The following ZDBF2 variants were observed in gnomAD, a reference collection of about 807,000 sequenced individuals.
ZDBF2 encodes zinc finger DBF-type containing 2, also known as DBF4-type zinc finger-containing protein 2.
ZDBF2 carries 6 observed loss-of-function variants against 9.4 expected under a neutral mutation model. The ratio of observed to expected loss-of-function variants is 0.64; its 90% CI spans 0.35 to 1.27. ZDBF2 has a LOEUF of 1.27. Ranked by LOEUF, ZDBF2 falls within the 50% of genes most tolerant of loss-of-function variation. ZDBF2 has a pLI of 0.03. For synonymous variants in ZDBF2, 905 were observed against 946.3 expected, an observed-to-expected ratio of 0.96 and a Z score of 0.80; for missense variants, 2,697 against 2,766.8, an observed-to-expected ratio of 0.97 and a Z score of 0.57.
chr2:206,304,014 G>A (rs1692638044), intron 4 of ZDBF2, among the ~76,000 whole-genome samples: 1 of 152,116 alleles, frequency 6.6e-6, no homozygotes, highest in East Asian at 1.9e-4. Context: ...AAAAGTAGCA[G>A]TAACTATTCT....
At chr2:206,276,714 A>C (rs1691024513) in intron 1 of ZDBF2, among the ~76,000 whole-genome samples, 2 of 152,248 alleles carry the variant, frequency 1.3e-5, no homozygotes, top group Admixed American at 1.3e-4. Flanking sequence ...GATTTGTTAA[A>C]TGGGAATTAA....
Position 206,310,903 on chromosome 2 carries a change from TTC to T in ZDBF2, c.6379_6380del (p.Leu2127ValfsTer12), listed in dbSNP as rs1411478937. 7 of 1,613,934 alleles carry T rather than the reference TTC, an allele frequency of 4.3e-6. No individual in the cohort carries two copies. Among genetic ancestry groups the T allele is most frequent in the South Asian group, 1.1e-5 (1 of 91,056 alleles). ...ATTCACATCAGGGAACCAGTGACTC[TTC>T]TCTGTTTCTGGAAGAATCAAAGGTT... ...FNSHQGTSDS[S>X]LFLEESKVLH... is the part of the protein sequence containing the mutation. On this transcript the variant is annotated frameshift_variant, in exon 5 of 5. Coordinates refer to ENST00000374423, the MANE Select transcript of ZDBF2 (RefSeq NM_020923.3). LOFTEE classifies it low-confidence loss of function (END_TRUNC).
chr2:206,299,660 C>T (rs1266063051), intron 4 of ZDBF2, among the ~76,000 whole-genome samples: 4 of 151,782 alleles, frequency 2.6e-5, no homozygotes, highest in African/African-American at 9.7e-5. Flanking sequence ...AACCACAGTA[C>T]AATGATAAAA....
At chr2:206,278,111 A>G (rs1691121733) in intron 1 of ZDBF2, among the ~76,000 whole-genome samples, 1 of 152,162 alleles carries the variant, frequency 6.6e-6, no homozygotes, top group Admixed American at 6.5e-5. Flanking sequence ...TTGTAAAAAT[A>G]TGTTTAGAAC....
At position 206,311,253 on chromosome 2, in the gene ZDBF2, G is replaced by A. The variant is rs1559163941; in HGVS notation, c.6725G>A (p.Ser2242Asn). The change falls in exon 5 of 5, where the codon AGC becomes AAC. Residue 2242 changes from serine to asparagine, a missense_variant. By Grantham distance (46) the Ser-to-Asn change is conservative (BLOSUM62 1). Around this residue, in one of 3 missense-constraint regions of ZDBF2, gnomAD observed 1,783 missense variants for 1,776.5 expected, o/e 1.00. Transcript: ENST00000374423. ...TTACGTCATAGATATCAGTCCAGGAGCGCTTTTCTTGGAAGGTATCTGAAG... is the reference window on the plus strand; with the variant it reads ...TTACGTCATAGATATCAGTCCAGGAACGCTTTTCTTGGAAGGTATCTGAAG... Reference protein sequence around the residue: ...VFLRHRYQSRSAFLGRYLKKK... With the variant: ...VFLRHRYQSRNAFLGRYLKKK... 5 of 1,611,498 alleles carry A rather than the reference G, an allele frequency of 3.1e-6. No individual in the cohort carries two copies. The highest frequency in any genetic ancestry group is 4.2e-6 in the Non-Finnish European group (5 of 1,178,562).
In ZDBF2 at chr2:206,309,689, C is replaced by G; in HGVS notation, c.5161C>G (p.His1721Asp). 1 of 1,613,800 alleles carries G rather than the reference C, an allele frequency of 6.2e-7. No homozygotes were observed. Among genetic ancestry groups the G allele is most frequent in the Non-Finnish European group, 8.5e-7 (1 of 1,179,860 alleles). The change falls in exon 5 of 5, where the codon CAT becomes GAT. Residue 1721 changes from histidine to aspartate, a missense_variant. Physicochemically the swap from His to Asp is moderately conservative, Grantham distance 81. Around this residue, in one of 3 missense-constraint regions of ZDBF2, gnomAD observed 1,783 missense variants for 1,776.5 expected, o/e 1.00. Transcript: ENST00000374423. ...DFGASSKSALHRRADKKKRSK... is the reference protein window; with the variant it reads ...DFGASSKSALDRRADKKKRSK... Reference sequence around the variant, plus strand: ...TGGTGCCTCTTCCAAGTCAGCGCTCCATCGAAGGGCTGATAAAAAAAAACG... The same window carrying G: ...TGGTGCCTCTTCCAAGTCAGCGCTCGATCGAAGGGCTGATAAAAAAAAACG...
rs1693265951 is a variant in ZDBF2 at position 206,313,028 on chromosome 2, T to C, written c.*1435T>C. 6.6e-6 allele frequency: 1 copy of C among 152,218 alleles called. No individual in the cohort carries two copies. The highest frequency in any genetic ancestry group is 2.4e-5 in the African/African-American group (1 of 41,466). 9.4% of individuals were successfully genotyped at this position (152,218 alleles called of 1,614,324 possible). A position where few individuals can be genotyped will look rare whatever the true frequency, so the allele number is the denominator to read the frequency against. Reference sequence around the variant, plus strand: ...TTGGTACAGATGCATTCAGTTGTCATTCATTCGTGTTAAGCCAAGATCCTG... The same window carrying C: ...TTGGTACAGATGCATTCAGTTGTCACTCATTCGTGTTAAGCCAAGATCCTG... On this transcript the variant is annotated 3_prime_UTR_variant, in exon 5 of 5. Coordinates refer to ENST00000374423, the MANE Select transcript of ZDBF2 (RefSeq NM_020923.3).
intron 4 of ZDBF2, among the ~76,000 whole-genome samples, chr2:206,300,802 C>G (rs1269501490): frequency 6.6e-6 from 1 of 152,130 alleles, no homozygotes; most frequent in Non-Finnish European, 1.5e-5. Context: ...TTCACTTATT[C>G]AAGTATTTAA....
chr2:206,313,119 T>C lies in ZDBF2; in HGVS notation c.*1526T>C, dbSNP rs1693269860. ...ACTATATTGTATGACTGCCATATTTTATTGAAACTAAGGTCAATGTTGAAC... is the reference window on the plus strand; with the variant it reads ...ACTATATTGTATGACTGCCATATTTCATTGAAACTAAGGTCAATGTTGAAC... On this transcript the variant is annotated 3_prime_UTR_variant, in exon 5 of 5. Coordinates refer to ENST00000374423, the MANE Select transcript of ZDBF2 (RefSeq NM_020923.3). 1 of 152,210 alleles carries C rather than the reference T, an allele frequency of 6.6e-6. No homozygotes were observed. Among genetic ancestry groups the C allele is most frequent in the African/African-American group, 2.4e-5 (1 of 41,458 alleles). 9.4% of individuals were successfully genotyped at this position (152,210 alleles called of 1,614,324 possible). A position where few individuals can be genotyped will look rare whatever the true frequency, so the allele number is the denominator to read the frequency against.
chr2:206,297,051 G>C (rs1269645221), intron 3 of ZDBF2, among the ~76,000 whole-genome samples, 195 bp from the exon 4 acceptor site: 1 of 152,102 alleles, frequency 6.6e-6, no homozygotes, highest in African/African-American at 2.4e-5. Context: ...TCCTTAGGCT[G>C]TACTTAGGGA....
intron 3 of ZDBF2, chr2:206,292,178 A>G (rs1302832012): frequency 7.5e-6 from 3 of 398,006 alleles, no homozygotes; most frequent in African/African-American, 2.1e-5. Flanking sequence ...ACAATGGCAT[A>G]TAAATTGGGA....
In ZDBF2 at chr2:206,309,124, C is replaced by A; in HGVS notation, c.4596C>A (p.Pro1532=). The part of the protein sequence containing the change: ...LPKVVLVDLV[P]GDSDYEVISD... Reference sequence around the variant, plus strand: ...AGGTGGTACTTGTGGATCTGGTGCCCGGTGATAGTGATTATGAAGTAATTT... The same window carrying A: ...AGGTGGTACTTGTGGATCTGGTGCCAGGTGATAGTGATTATGAAGTAATTT... The change falls in exon 5 of 5, where the codon CCC becomes CCA. Residue 1532 remains proline (P), a synonymous_variant. Transcript: ENST00000374423. 2 of 1,613,574 alleles carry A rather than the reference C, an allele frequency of 1.2e-6. No individual in the cohort carries two copies. Among genetic ancestry groups the A allele is most frequent in the Non-Finnish European group, 1.7e-6 (2 of 1,179,766 alleles).
In ZDBF2 at chr2:206,309,262, T is replaced by C; in HGVS notation, c.4734T>C (p.Phe1578=). The C allele has an allele frequency of 6.2e-7, 1 of 1,610,632 alleles. No homozygotes were observed. ...TAGAAGATAAGAGCTGTGACTTTTT[T>C]GGTTCTGAAGTCAGATGTAATTGTA... ...IDIEDKSCDF[F]GSEVRCNCKA... is the part of the protein sequence containing the mutation. The change falls in exon 5 of 5, where the codon TTT becomes TTC. Residue 1578 remains phenylalanine (F), a synonymous_variant. Transcript: ENST00000374423.
At chr2:206,298,513 G>GT (rs569316803) in intron 4 of ZDBF2, among the ~76,000 whole-genome samples, 2 of 151,912 alleles carry the variant, frequency 1.3e-5, no homozygotes, top group East Asian at 1.9e-4. Context: ...AAATTTCCAG[G>GT]TTTTTTTTGT....
At chr2:206,286,068 A>G (rs1397125915) in intron 3 of ZDBF2, among the ~76,000 whole-genome samples, 1 of 152,220 alleles carries the variant, frequency 6.6e-6, no homozygotes, top group African/African-American at 2.4e-5. Flanking sequence ...CAGAAAAGAT[A>G]CTTGATATAA....
chr2:206,276,860 T>G (rs1344686867), intron 1 of ZDBF2, among the ~76,000 whole-genome samples: 1 of 152,232 alleles, frequency 6.6e-6, no homozygotes, highest in Non-Finnish European at 1.5e-5. Flanking sequence ...TAGAGGTGTC[T>G]AGGATAATGC....
chr2:206,309,588 C>G lies in ZDBF2; in HGVS notation c.5060C>G (p.Ala1687Gly). ...CGACTGCAGAAAGCTCACAAAGAAG[C>G]CAGTCTTCGGAAGGATCCAAGAAAT... is the stretch of plus-strand genomic sequence containing the variant. The part of the protein sequence containing the change: ...THRLQKAHKE[A>G]SLRKDPRNAG... The change falls in exon 5 of 5, where the codon GCC becomes GGC. Residue 1687 changes from alanine to glycine, a missense_variant. Around this residue, in one of 3 missense-constraint regions of ZDBF2, gnomAD observed 1,783 missense variants for 1,776.5 expected, o/e 1.00. Coordinates refer to ENST00000374423, the MANE Select transcript of ZDBF2 (RefSeq NM_020923.3). 6.2e-7 allele frequency: 1 copy of G among 1,613,876 alleles called. No individual in the cohort carries two copies. Among genetic ancestry groups the G allele is most frequent in the Non-Finnish European group, 8.5e-7 (1 of 1,179,870 alleles).
At chr2:206,277,700 A>G (rs1253024683) in intron 1 of ZDBF2, among the ~76,000 whole-genome samples, 1 of 149,556 alleles carries the variant, frequency 6.7e-6, no homozygotes, top group South Asian at 2.1e-4. Flanking sequence ...TTGTGAAAAG[A>G]CATGTCTCGA....
chr2:206,304,639 A>C, intron 4 of ZDBF2, 78 bp from the exon 5 acceptor site: 1 of 1,496,590 alleles, frequency 6.7e-7, no homozygotes, highest in East Asian at 2.3e-5. Flanking sequence ...GAAAGCAAAT[A>C]ACATTTATTA....
Sources: allele counts gnomAD v4.1 joint callset (sites outside exome capture counted in the v4.1 genomes callset), GRCh38; gene constraint gnomAD v4.1.1; regional missense constraint gnomAD v4.1.1; transcripts MANE v1.5; gene names NCBI Gene and HGNC (gene_info 2026-07-23, HGNC 2026-07-21).